The following TYK2 variants were observed in gnomAD, a reference collection of about 807,000 sequenced individuals.
The protein encoded by TYK2 is tyrosine kinase 2.
In TYK2, 65 loss-of-function variants were observed where a neutral mutation model predicts 130.9. The observed-to-expected ratio is 0.50, with a 90% CI of 0.41 to 0.61. TYK2 has a LOEUF of 0.61. TYK2 is among the 20% of genes least tolerant of loss of function. The probability of loss-of-function intolerance (pLI) is 0.00; values close to 1 mark genes in which losing one functional copy is unlikely to be tolerated. For missense variants in TYK2, 1,378 were observed against 1,610.7 expected (o/e 0.86, Z 2.47); for synonymous variants, 647 against 658.9 (o/e 0.98, Z 0.28).
intron 3 of TYK2, chr19:10,368,672 G>A (rs2145279352): frequency 2.0e-6 from 1 of 493,588 alleles, no homozygotes; most frequent in Middle Eastern, 6.0e-4. Flanking sequence ...TCTGGCCAAA[G>A]GGCTGGGTAC....
chr19:10,365,804 G>C lies in TYK2; in HGVS notation c.724C>G (p.Leu242Val), dbSNP rs1432138907. The C allele has an allele frequency of 6.2e-7, 1 of 1,612,328 alleles. No individual in the cohort carries two copies. The highest frequency in any genetic ancestry group is 2.2e-5 in the East Asian group (1 of 44,864). The change falls in exon 7 of 25, where the codon CTG (leucine) becomes GTG (valine). Residue 242 changes from leucine (L) to valine (V), a missense_variant. Leu to Val is a conservative substitution (Grantham distance 32). Coordinates refer to ENST00000525621, the MANE Select transcript of TYK2 (RefSeq NM_003331.5). ...AGTCGGCCCGGCTGGAAGTCCCGCA[G>C]GAACCTGCGGAAGACGTTCCGAAGG... ...LRLRNVFRRF[L>V]RDFQPGRLSQ...
At chr19:10,371,422 C>T (rs1212469200) in intron 3 of TYK2, among the ~76,000 whole-genome samples, 1 of 151,932 alleles carries the variant, frequency 6.6e-6, no homozygotes, top group Non-Finnish European at 1.5e-5. Context: ...AGGCGGATCA[C>T]CTGAGGTCGG....
intron 3 of TYK2, among the ~76,000 whole-genome samples, chr19:10,372,385 C>T (rs2145310973): frequency 7.0e-6 from 1 of 143,440 alleles, no homozygotes; most frequent in South Asian, 2.2e-4. Context: ...CCATGACCTC[C>T]CTGGCTCAAG....
In TYK2 at chr19:10,379,690, C is replaced by G. The variant is rs1194113574; in HGVS notation, c.-96G>C. 1 of 152,122 alleles carries G rather than the reference C, an allele frequency of 6.6e-6. No individual in the cohort carries two copies. Among genetic ancestry groups the G allele is most frequent in the Non-Finnish European group, 1.5e-5 (1 of 68,024 alleles). The allele number at this position is 152,122 out of a possible 1,614,324, so 9.4% of individuals were successfully genotyped here. Reference sequence around the variant, plus strand: ...CAATTCTGGGCCTCAGTTTCCCCATCTGGAAAAGGGAGGTCCTCAGGGTGT... The same window carrying G: ...CAATTCTGGGCCTCAGTTTCCCCATGTGGAAAAGGGAGGTCCTCAGGGTGT... On this transcript the variant is annotated 5_prime_UTR_variant, in exon 2 of 25. Transcript: ENST00000525621.
rs1296974908 is a variant in TYK2, at chr19:10,350,915, G to C, written c.3483C>G (p.Thr1161=). The change falls in exon 25 of 25, where the codon ACC becomes ACG. Residue 1161 remains threonine (T), a synonymous_variant. Transcript: ENST00000525621. The part of the protein sequence containing the change: ...CWETEASFRP[T]FENLIPILKT... Reference sequence around the variant, plus strand: ...TCAGAATGGGTATGAGGTTCTCGAAGGTTGGGCGAAAGGACGCCTCTGTCT... The same window carrying C: ...TCAGAATGGGTATGAGGTTCTCGAACGTTGGGCGAAAGGACGCCTCTGTCT... 1 of 1,614,186 alleles carries C rather than the reference G, an allele frequency of 6.2e-7. No individual in the cohort carries two copies. The highest frequency in any genetic ancestry group is 1.1e-5 in the South Asian group (1 of 91,088).
chr19:10,360,929 A>G (rs2041371115), intron 14 of TYK2: 3 of 247,600 alleles, frequency 1.2e-5, no homozygotes, highest in African/African-American at 4.6e-5. Flanking sequence ...TGATTTTTAA[A>G]TTTTTTGTAA....
Position 10,354,148 on chromosome 19 carries a change from T to A in TYK2, c.2802A>T (p.Ala934=). 1 of 1,614,042 alleles carries A rather than the reference T, an allele frequency of 6.2e-7. No individual in the cohort carries two copies. Among genetic ancestry groups the A allele is most frequent in the Non-Finnish European group, 8.5e-7 (1 of 1,180,016 alleles). The part of the protein sequence containing the change: ...GEMVAVKALK[A]DCGPQHRSGW... ...CCGAGCGGTGCTGGGGGCCGCAGTCTGCCTTGAGGGCTTTCACCGCCACCA... is the reference window on the plus strand; with the variant it reads ...CCGAGCGGTGCTGGGGGCCGCAGTCAGCCTTGAGGGCTTTCACCGCCACCA... The change falls in exon 20 of 25, where the codon GCA becomes GCT. Residue 934 remains alanine (A), a synonymous_variant. Transcript: ENST00000525621.
Position 10,361,649 on chromosome 19 carries a change from C to T in TYK2, c.1960-51G>A, listed in dbSNP as rs1447512173. 2.6e-6 allele frequency: 4 copies of T among 1,563,248 alleles called. No homozygotes were observed. The highest frequency in any genetic ancestry group is 1.9e-5 in the Admixed American group (1 of 53,330). ...GCTGCAAAGCCGACCCCTCCCATCCCACCTCCTCCACGGACACACCCCTCC... is the reference window on the plus strand; with the variant it reads ...GCTGCAAAGCCGACCCCTCCCATCCTACCTCCTCCACGGACACACCCCTCC... On this transcript the variant is annotated intron_variant, in intron 13 of 24. Coordinates refer to ENST00000525621, the MANE Select transcript of TYK2 (RefSeq NM_003331.5). This position sits in a 1 kb window ranked among gnomAD's most constrained non-coding sequence, Gnocchi z 4.0.
chr19:10,353,321 G>A lies in TYK2; in HGVS notation c.3027+207C>T, dbSNP rs1038849460. The A allele has an allele frequency of 1.0e-5, 6 of 575,534 alleles. No individual in the cohort carries two copies. The African/African-American group carries it at 1.1e-4, about 11-fold the overall frequency. The allele number at this position is 575,534 out of a possible 1,614,324, so 35.7% of individuals were successfully genotyped here. On this transcript the variant is annotated intron_variant, in intron 21 of 24. Coordinates refer to ENST00000525621, the MANE Select transcript of TYK2 (RefSeq NM_003331.5). This position sits in a 1 kb window ranked among gnomAD's most constrained non-coding sequence, Gnocchi z 6.9. ...AAAGCTGGGCAGGAGGGCGAGTTGG[G>A]AGGGGCCGAGCCGGCTGTGCGTGGT...
Position 10,362,176 on chromosome 19 carries a change from A to G in TYK2, c.1675T>C (p.Ser559Pro). Residue 559 changes from serine to proline, a missense_variant, in exon 12 of 25, where the codon TCC becomes CCC. Physicochemically the swap from Ser to Pro is moderately conservative, Grantham distance 74. Transcript: ENST00000525621. ...RCCLPQPGET[S>P]NLIIMRGARA... Reference sequence around the variant, plus strand: ...GCCCCCCGCATGATGATGAGATTGGAGGTTTCTGGGGGCAGGCATCAAGTC... The same window carrying G: ...GCCCCCCGCATGATGATGAGATTGGGGGTTTCTGGGGGCAGGCATCAAGTC... 6.2e-7 allele frequency: 1 copy of G among 1,613,660 alleles called. No individual in the cohort carries two copies. Among genetic ancestry groups the G allele is most frequent in the Non-Finnish European group, 8.5e-7 (1 of 1,179,912 alleles).
In TYK2 at chr19:10,356,636, G is replaced by A. The variant is rs1441627423; in HGVS notation, c.2549C>T (p.Thr850Ile). Reference protein sequence around the residue: ...QLATLTSQCLTYEPTQRPSFR... With the variant: ...QLATLTSQCLIYEPTQRPSFR... ...TGATGGCCTCTGGGTTGGCTCATAG[G>A]TCAGACACTGGCTGGTGAGTGTGGC... Residue 850 changes from threonine (T) to isoleucine (I), a missense_variant, in exon 18 of 25, where the codon ACC (threonine) becomes ATC (isoleucine). Physicochemically the swap from Thr to Ile is moderately conservative, Grantham distance 89 (BLOSUM62 -1). Coordinates refer to ENST00000525621, the MANE Select transcript of TYK2 (RefSeq NM_003331.5). The A allele has an allele frequency of 2.5e-6, 4 of 1,613,584 alleles. No homozygotes were observed. Among genetic ancestry groups the A allele is most frequent in the Non-Finnish European group, 3.4e-6 (4 of 1,179,912 alleles).
Position 10,364,899 on chromosome 19 carries a change from C to T in TYK2, c.1161G>A (p.Val387=). The part of the protein sequence containing the change: ...FCDFRDITHV[V]LKEHCVSIHR... ...GGATGCTGACACAGTGCTCTTTCAG[C>T]ACCACGTGGGTGATGTCCCGGAAGT... is the stretch of plus-strand genomic sequence containing the variant. The change falls in exon 8 of 25, where the codon GTG becomes GTA. Residue 387 remains valine (V), a synonymous_variant. Transcript: ENST00000525621. The surrounding 1 kb of genome is among the most constrained non-coding windows in gnomAD (Gnocchi z 4.9). 2 of 1,614,210 alleles carry T rather than the reference C, an allele frequency of 1.2e-6. No individual in the cohort carries two copies. The highest frequency in any genetic ancestry group is 1.7e-6 in the Non-Finnish European group (2 of 1,180,046).
intron 18 of TYK2, among the ~76,000 whole-genome samples, chr19:10,355,752 A>C (rs965258854): frequency 6.7e-6 from 1 of 150,338 alleles, no homozygotes; most frequent in African/African-American, 2.4e-5. Context: ...TCACGAGGTC[A>C]AGAGACTGAG....
chr19:10,372,485 T>TATATATATATATATATATATA (rs59201811), intron 3 of TYK2, among the ~76,000 whole-genome samples: 13 of 39,456 alleles, frequency 3.3e-4, no homozygotes, highest in African/African-American at 6.7e-4. Context: ...TATATATATA[T>TATATATATATATATATATATA]TTTTTTTTTT....
At chr19:10,356,779 A>G in intron 17 of TYK2, 61 bp from the exon 18 acceptor site, 1 of 1,540,800 alleles carries the variant, frequency 6.5e-7, no homozygotes, top group Non-Finnish European at 8.8e-7. Flanking sequence ...CCGTTCCCCA[A>G]GAGGCAGAGT....
chr19:10,351,389 A>C (rs1365930891), intron 23 of TYK2: 1 of 437,872 alleles, frequency 2.3e-6, no homozygotes, highest in African/African-American at 2.0e-5. Flanking sequence ...TGGGAGGCTG[A>C]GGCAGGAGGA....
chr19:10,352,634 C>A (rs1429713057), intron 22 of TYK2, 83 bp from the exon 23 acceptor site: 3 of 779,970 alleles, frequency 3.8e-6, no homozygotes, highest in African/African-American at 3.5e-5. Context: ...TCACCTGAGA[C>A]TGAAGGACCC....
At chr19:10,366,074 G>A (rs559515138) in intron 6 of TYK2, among the ~76,000 whole-genome samples, 176 bp from the exon 7 acceptor site, 17 of 152,162 alleles carry the variant, frequency 1.1e-4, no homozygotes, top group African/African-American at 2.2e-4. Context: ...AAGCCAAGGC[G>A]GAAGGATCGC....
At chr19:10,369,935 T>A in intron 3 of TYK2, 2 of 330,958 alleles carry the variant, frequency 6.0e-6, no homozygotes, top group Non-Finnish European at 1.2e-5. Flanking sequence ...TCCCAGCTAC[T>A]TGGGAGGCTG....
Sources: gnomAD v4.1 joint callset for allele counts (sites outside exome capture counted in the v4.1 genomes callset) on GRCh38, gnomAD v4.1.1 for gene constraint, Gnocchi (gnomAD v3.1) non-coding constraint, MANE v1.5 for transcripts, NCBI Gene and HGNC (gene_info 2026-07-23, HGNC 2026-07-21) for gene names.